Variants in RNF166 observed in about 807,000 individuals in gnomAD.
RNF166 encodes the protein E3 ubiquitin-protein ligase RNF166.
Under a neutral mutation model 29.4 loss-of-function variants are expected in RNF166, and 19 were observed. The observed-to-expected ratio is 0.65, with a 90% confidence interval of 0.45 to 0.95. The LOEUF (loss-of-function observed/expected upper bound fraction) is 0.95. Among genes scored for constraint, RNF166 ranks in the 40% least tolerant of loss-of-function variants. The pLI is 0.00. For synonymous variants in RNF166, 171 were observed against 134.5 expected (o/e 1.27, Z -1.88); for missense variants, 347 against 322.1 (o/e 1.08, Z -0.59).
intron 1 of RNF166, among the ~76,000 whole-genome samples, chr16:88,704,676 A>G (rs182082370): frequency 6.6e-6 from 1 of 152,310 alleles, no homozygotes; most frequent in Admixed American, 6.5e-5. Flanking sequence ...ACACCTTCAA[A>G]CACCCGCTAC....
rs1909711484 is a variant in RNF166 at position 88,697,163 on chromosome 16, G to A, written c.*405C>T. 1 of 177,672 alleles carries A rather than the reference G, an allele frequency of 5.6e-6. No homozygotes were observed. The allele number at this position is 177,672 out of a possible 1,614,324, so 11.0% of individuals were successfully genotyped here. A position where few individuals can be genotyped will look rare whatever the true frequency, so the allele number is the denominator to read the frequency against. The stretch of plus-strand genomic sequence containing the variant: ...TGCGCAAGGTGGAAGTGGGGCCGGG[G>A]CAGGGTCGGGCTGGGCAGGGCAGCA... On this transcript the variant is annotated 3_prime_UTR_variant, in exon 6 of 6. Transcript: ENST00000312838.
At chr16:88,701,040 C>G in intron 2 of RNF166, 1 of 1,373,440 alleles carries the variant, frequency 7.3e-7, no homozygotes, top group Non-Finnish European at 9.5e-7. Flanking sequence ...ACAGTGCTAC[C>G]CCCACCGGGC....
intron 1 of RNF166, among the ~76,000 whole-genome samples, chr16:88,702,532 G>A (rs997377698): frequency 1.3e-5 from 2 of 152,186 alleles, no homozygotes; most frequent in African/African-American, 2.4e-5. Context: ...CTCAAGAAAA[G>A]GCCCTTTCTG....
In RNF166 at chr16:88,702,868, C is replaced by T. The variant is rs1340503921; in HGVS notation, c.156-1450G>A. ...TGAGCCGGGGGGGCCGCCTACTTCA[C>T]CCGTTCACGGGAGGAAGGTGCTGGC... On this transcript the variant is annotated intron_variant, in intron 1 of 5. Transcript: ENST00000312838. 8.1e-6 allele frequency: 8 copies of T among 985,394 alleles called. No homozygotes were observed. The South Asian group carries it at 2.8e-4, about 35-fold the overall frequency. The allele number at this position is 985,394 out of a possible 1,614,324, so 61.0% of individuals were successfully genotyped here.
Position 88,697,278 on chromosome 16 carries a change from G to T in RNF166, c.*290C>A, listed in dbSNP as rs976570338. ...GGGGTATCATGGCTTTGAAGAGACG[G>T]CGGCAGCTCCAGGTCCCAGCGTCCA... is the stretch of plus-strand genomic sequence containing the variant. On this transcript the variant is annotated 3_prime_UTR_variant, in exon 6 of 6. Coordinates refer to ENST00000312838, the MANE Select transcript of RNF166 (RefSeq NM_178841.4). 4 of 298,076 alleles carry T rather than the reference G, an allele frequency of 1.3e-5. No individual in the cohort carries two copies. Among genetic ancestry groups the T allele is most frequent in the East Asian group, 6.1e-5 (1 of 16,274 alleles). 18.5% of individuals were successfully genotyped at this position (298,076 alleles called of 1,614,324 possible). A position where few individuals can be genotyped will look rare whatever the true frequency, so the allele number is the denominator to read the frequency against.
At chr16:88,705,796 T>C (rs1225977793) in intron 1 of RNF166, among the ~76,000 whole-genome samples, 1 of 152,180 alleles carries the variant, frequency 6.6e-6, no homozygotes, top group South Asian at 2.1e-4. Context: ...AACTGCCCAT[T>C]CCAGCCGCAC....
chr16:88,697,703 C>G (rs1909769143), intron 5 of RNF166, 70 bp from the exon 6 acceptor site: 1 of 1,170,046 alleles, frequency 8.5e-7, no homozygotes. Context: ...CTGCCCATCA[C>G]CCACACAGGC....
chr16:88,701,054 C>A, intron 2 of RNF166: 1 of 1,325,644 alleles, frequency 7.5e-7, no homozygotes, highest in Non-Finnish European at 9.9e-7. Flanking sequence ...ACCGGGCTGG[C>A]CCCCCCGTCA....
At chr16:88,704,020 A>C in intron 1 of RNF166, 1 of 985,468 alleles carries the variant, frequency 1.0e-6, no homozygotes, top group Non-Finnish European at 1.2e-6. Context: ...CTGGCTGAGA[A>C]CAGCTCCTGC....
chr16:88,698,599 A>ACC lies in RNF166; in HGVS notation c.550_551insGG (p.Ile184ArgfsTer88). The stretch of plus-strand genomic sequence containing the variant: ...GTCCCCCCAGGGCATTGCCGAGCAG[A>ACC]TGGGGCACACCTGGAACAGGCACTG... On this transcript the variant is annotated frameshift_variant, in exon 5 of 6. Transcript: ENST00000312838. LOFTEE classifies it high-confidence loss of function. 1 of 1,531,132 alleles carries ACC rather than the reference A, an allele frequency of 6.5e-7. No homozygotes were observed. Among genetic ancestry groups the ACC allele is most frequent in the Non-Finnish European group, 8.8e-7 (1 of 1,135,324 alleles). 94.8% of individuals were successfully genotyped at this position (1,531,132 alleles called of 1,614,324 possible).
intron 4 of RNF166, 109 bp downstream of exon 4, chr16:88,698,862 T>C: frequency 1.1e-6 from 1 of 890,616 alleles, no homozygotes; most frequent in South Asian, 1.5e-5. Flanking sequence ...CCAGGAGGCC[T>C]TTGTGGCCTG....
In RNF166 at chr16:88,699,623, G is replaced by A. The variant is rs144805172; in HGVS notation, c.422C>T (p.Pro141Leu). ...VPVVPTSQPIPSNIPNRSTFA... is the reference protein window; with the variant it reads ...VPVVPTSQPILSNIPNRSTFA... ...CCTTGCCCGGCAGCGTGCCTACCTG[G>A]GGATAGGCTGTGATGTGGGCACCAC... is the stretch of plus-strand genomic sequence containing the variant. Residue 141 changes from proline to leucine, a missense_variant, in exon 3 of 6, where the codon CCC (proline) becomes CTC (leucine). Physicochemically the swap from Pro to Leu is moderately conservative, Grantham distance 98. Coordinates refer to ENST00000312838, the MANE Select transcript of RNF166 (RefSeq NM_178841.4). 6.0e-5 allele frequency: 96 copies of A among 1,609,398 alleles called. No individual in the cohort carries two copies. Among genetic ancestry groups the A allele is most frequent in the Non-Finnish European group, 1.3e-5 (15 of 1,176,520 alleles).
rs1909710873 is a variant in RNF166, at chr16:88,697,159, CGG to C, written c.*407_*408del. 1 of 174,330 alleles carries C rather than the reference CGG, an allele frequency of 5.7e-6. No individual in the cohort carries two copies. The highest frequency in any genetic ancestry group is 6.0e-5 in the Admixed American group (1 of 16,650). 10.8% of individuals were successfully genotyped at this position (174,330 alleles called of 1,614,324 possible). On this transcript the variant is annotated 3_prime_UTR_variant, in exon 6 of 6. Coordinates refer to ENST00000312838, the MANE Select transcript of RNF166 (RefSeq NM_178841.4). ...CAAATGCGCAAGGTGGAAGTGGGGC[CGG>C]GGCAGGGTCGGGCTGGGCAGGGCAG...
At chr16:88,702,881 G>C in intron 1 of RNF166, 1 of 985,538 alleles carries the variant, frequency 1.0e-6, no homozygotes, top group Non-Finnish European at 1.2e-6. Flanking sequence ...GTTCACGGGA[G>C]GAAGGTGCTG....
chr16:88,700,186 G>A (rs1332915194), intron 2 of RNF166: 1 of 153,444 alleles, frequency 6.5e-6, no homozygotes, highest in African/African-American at 2.4e-5. Flanking sequence ...AGGGCAACAG[G>A]CTGCAAGATC....
In RNF166 at chr16:88,701,434, G is replaced by C; in HGVS notation, c.156-16C>G. On this transcript the variant is annotated splice_polypyrimidine_tract_variant and intron_variant, in intron 1 of 5. Coordinates refer to ENST00000312838, the MANE Select transcript of RNF166 (RefSeq NM_178841.4). ...CCCGCAGAACCTGCAGGGCACAGGG[G>C]CCTGAGTGCCAGCCCGCCCCTCGGG... The C allele has an allele frequency of 1.3e-6, 2 of 1,546,942 alleles. No individual in the cohort carries two copies. The highest frequency in any genetic ancestry group is 1.7e-6 in the Non-Finnish European group (2 of 1,149,670).
At chr16:88,701,698 G>A in intron 1 of RNF166, 2 of 405,352 alleles carry the variant, frequency 4.9e-6, no homozygotes, top group South Asian at 4.6e-5. Flanking sequence ...CCGCGAGTGG[G>A]CCAGAGGAGC....
intron 1 of RNF166, chr16:88,702,906 C>G (rs1027324387): frequency 3.0e-6 from 3 of 985,402 alleles, no homozygotes; most frequent in Non-Finnish European, 3.6e-6. Flanking sequence ...GATGGTCCAC[C>G]TGGGGAGGCC....
At position 88,697,346 on chromosome 16, in the gene RNF166, G is replaced by A. The variant is rs1909729693; in HGVS notation, c.*222C>T. 6.6e-6 allele frequency: 3 copies of A among 451,248 alleles called. No homozygotes were observed. The highest frequency in any genetic ancestry group is 1.2e-5 in the Non-Finnish European group (3 of 249,700). The allele number at this position is 451,248 out of a possible 1,614,324, so 28.0% of individuals were successfully genotyped here. On this transcript the variant is annotated 3_prime_UTR_variant, in exon 6 of 6. Transcript: ENST00000312838. ...CGCCTGCTCGGCCAGAAGCACCGAAGAACCCAGCGACGCCGGTGGGACCAG... is the reference window on the plus strand; with the variant it reads ...CGCCTGCTCGGCCAGAAGCACCGAAAAACCCAGCGACGCCGGTGGGACCAG...
Sources: allele counts gnomAD v4.1 joint callset (sites outside exome capture counted in the v4.1 genomes callset), GRCh38; gene constraint gnomAD v4.1.1; transcripts MANE v1.5; gene names NCBI Gene and HGNC (gene_info 2026-07-23, HGNC 2026-07-21).